The following EIF3A variants were observed in gnomAD, a reference collection of about 807,000 sequenced individuals.
The protein encoded by EIF3A is eukaryotic translation initiation factor 3 subunit A.
Under a neutral mutation model 186.6 loss-of-function variants are expected in EIF3A, and 21 were observed. The ratio of observed to expected loss-of-function variants is 0.11; its 90% CI spans 0.08 to 0.16. The LOEUF (loss-of-function observed/expected upper bound fraction) is 0.16. EIF3A is among the 10% of genes least tolerant of loss of function. EIF3A has a pLI of 1.00. For missense variants in EIF3A, 1,306 were observed against 1,796.3 expected (o/e 0.73, Z 4.93); for synonymous variants, 563 against 584.3 (o/e 0.96, Z 0.52).
At chr10:119,076,867 C>A (rs1235622965) in intron 1 of EIF3A, among the ~76,000 whole-genome samples, 1 of 143,478 alleles carries the variant, frequency 7.0e-6, no homozygotes, top group East Asian at 2.1e-4. Flanking sequence ...ACCCAGGAGG[C>A]GGAGGTTGCA....
Position 119,060,741 on chromosome 10 carries a change from T to C in EIF3A, c.1326+5A>G. The C allele has an allele frequency of 6.3e-7, 1 of 1,585,264 alleles. No individual in the cohort carries two copies. The highest frequency in any genetic ancestry group is 8.5e-7 in the Non-Finnish European group (1 of 1,170,306). ...ACAAAACTTTTTTTATTTTTTTATT[T>C]TTACCTGCTGCAGAAGGCGGAGGAT... is the stretch of plus-strand genomic sequence containing the variant. On this transcript the variant is annotated splice_donor_5th_base_variant and intron_variant, in intron 9 of 21. Transcript: ENST00000369144.
chr10:119,038,445 T>G lies in EIF3A; in HGVS notation c.3527-6A>C, dbSNP rs917107439. 5.0e-6 allele frequency: 8 copies of G among 1,592,364 alleles called. No homozygotes were observed. The highest frequency in any genetic ancestry group is 6.8e-6 in the Non-Finnish European group (8 of 1,173,274). The stretch of plus-strand genomic sequence containing the variant: ...TTCTTTCTCTCTCCATCCACCTGTT[T>G]TTTTGAAAAAGCAAAACATTTTTAA... On this transcript the variant is annotated splice_polypyrimidine_tract_variant and splice_region_variant and intron_variant, in intron 19 of 21. Transcript: ENST00000369144.
intron 7 of EIF3A, among the ~76,000 whole-genome samples, chr10:119,061,780 A>G (rs1182823372): frequency 6.6e-6 from 1 of 152,268 alleles, no homozygotes; most frequent in East Asian, 1.9e-4. Flanking sequence ...AAATGCTCAA[A>G]AAAGAACAGC....
In EIF3A at chr10:119,034,445, A is replaced by C. The variant is rs1848100217; in HGVS notation, c.*1594T>G. On this transcript the variant is annotated 3_prime_UTR_variant, in exon 22 of 22. Transcript: ENST00000369144. ...CCAGGAAGCAAACTCTTAGCAAGTTACTGCCCCACTTGTAATCACTGATCT... is the reference window on the plus strand; with the variant it reads ...CCAGGAAGCAAACTCTTAGCAAGTTCCTGCCCCACTTGTAATCACTGATCT... The C allele has an allele frequency of 6.6e-6, 1 of 152,446 alleles. No individual in the cohort carries two copies. The highest frequency in any genetic ancestry group is 1.5e-5 in the Non-Finnish European group (1 of 68,060). 9.4% of individuals were successfully genotyped at this position (152,446 alleles called of 1,614,324 possible).
rs866096491 is a variant in EIF3A at position 119,064,456 on chromosome 10, G to A, written c.1122+943C>T. On this transcript the variant is annotated intron_variant, in intron 7 of 21. Coordinates refer to ENST00000369144, the MANE Select transcript of EIF3A (RefSeq NM_003750.4). ...TTTCTAATGATTTAGCACCATCCCC[G>A]TAGGCCCATCCTCATGATAAGAGTT... Among the ~76,000 whole-genome samples the A allele has an allele frequency of 7.0e-4, 106 of 152,048 alleles. 1 individual carries two copies. Among genetic ancestry groups the A allele is most frequent in the African/African-American group, 2.5e-3 (104 of 41,404 alleles).
rs760397518 is a variant in EIF3A, at chr10:119,057,952, G to A, written c.1977+4C>T. 42 of 1,605,886 alleles carry A rather than the reference G, an allele frequency of 2.6e-5. No individual in the cohort carries two copies. In the East Asian group the frequency reaches 5.6e-4, roughly 21 times the overall value. ...AATTTTTTAATAACTAAGATGCTAC[G>A]TACTTCAATATCAATATCTTTGAAT... is the stretch of plus-strand genomic sequence containing the variant. On this transcript the variant is annotated splice_donor_region_variant and intron_variant, in intron 12 of 21. Transcript: ENST00000369144.
intron 11 of EIF3A, among the ~76,000 whole-genome samples, 185 bp from the exon 12 acceptor site, chr10:119,058,488 T>A (rs1843828375): frequency 6.6e-6 from 1 of 152,224 alleles, no homozygotes; most frequent in African/African-American, 2.4e-5. Context: ...TCCTATTCAG[T>A]CTTTTAATAG....
intron 6 of EIF3A, among the ~76,000 whole-genome samples, chr10:119,068,673 A>T (rs1844020466): frequency 6.6e-6 from 1 of 150,750 alleles, no homozygotes; most frequent in Non-Finnish European, 1.5e-5. Context: ...CTCAAGAAAA[A>T]ATAAAATAAA....
At chr10:119,065,765 G>C (rs894931971) in intron 6 of EIF3A, among the ~76,000 whole-genome samples, 195 bp from the exon 7 acceptor site, 1 of 152,186 alleles carries the variant, frequency 6.6e-6, no homozygotes. Flanking sequence ...ACGAATACTT[G>C]GAGAATCAGG....
At chr10:119,040,050 C>A (rs1350165369) in intron 19 of EIF3A, among the ~76,000 whole-genome samples, 1 of 152,192 alleles carries the variant, frequency 6.6e-6, no homozygotes, top group East Asian at 1.9e-4. Flanking sequence ...AAATGTCTTA[C>A]ACAAGGTAAC....
At chr10:119,066,082 C>T (rs1344139339) in intron 6 of EIF3A, among the ~76,000 whole-genome samples, 3 of 151,634 alleles carry the variant, frequency 2.0e-5, no homozygotes, top group Admixed American at 2.0e-4. Flanking sequence ...CGCCACTGCA[C>T]TCCAGCCTGG....
chr10:119,036,442 T>A (rs1848131336), intron 21 of EIF3A, among the ~76,000 whole-genome samples, 174 bp from the exon 22 acceptor site: 1 of 152,138 alleles, frequency 6.6e-6, no homozygotes, highest in Admixed American at 6.5e-5. Context: ...CTCATACAAT[T>A]TCTGACAATC....
chr10:119,037,384 A>T, intron 20 of EIF3A, 75 bp from the exon 21 acceptor site: 1 of 1,324,804 alleles, frequency 7.5e-7, no homozygotes, highest in Non-Finnish European at 1.1e-6. Context: ...ATCCAGTCCA[A>T]GCTGGGGCTT....
rs1342981925 is a variant in EIF3A at position 119,080,790 on chromosome 10, C to G, written c.-114G>C. Reference sequence around the variant, plus strand: ...CCCACGCGCCTCGCCAGCAGTCGCCCGCGCCCAGCCGGCCAGAGACGGAAA... The same window carrying G: ...CCCACGCGCCTCGCCAGCAGTCGCCGGCGCCCAGCCGGCCAGAGACGGAAA... On this transcript the variant is annotated 5_prime_UTR_variant, in exon 1 of 22. Coordinates refer to ENST00000369144, the MANE Select transcript of EIF3A (RefSeq NM_003750.4). The G allele has an allele frequency of 2.1e-6, 3 of 1,437,830 alleles. No homozygotes were observed. Among genetic ancestry groups the G allele is most frequent in the South Asian group, 1.4e-5 (1 of 71,418 alleles). 89.1% of individuals were successfully genotyped at this position (1,437,830 alleles called of 1,614,324 possible). A position where few individuals can be genotyped will look rare whatever the true frequency, so the allele number is the denominator to read the frequency against.
intron 1 of EIF3A, among the ~76,000 whole-genome samples, chr10:119,076,650 G>A (rs1019028222): frequency 9.9e-5 from 15 of 152,068 alleles, no homozygotes; most frequent in Admixed American, 1.3e-4. Context: ...TTTCTAAAAT[G>A]TAACAGTACA....
At position 119,051,098 on chromosome 10, in the gene EIF3A, T is replaced by C. The variant is rs1848349861; in HGVS notation, c.2319+101A>G. On this transcript the variant is annotated intron_variant, in intron 15 of 21. Coordinates refer to ENST00000369144, the MANE Select transcript of EIF3A (RefSeq NM_003750.4). Reference sequence around the variant, plus strand: ...CTATTATTTGAATGACCGTTACACATAGTAACTCAATAAAGAATATACCAA... The same window carrying C: ...CTATTATTTGAATGACCGTTACACACAGTAACTCAATAAAGAATATACCAA... 2.2e-5 allele frequency: 22 copies of C among 983,864 alleles called. 1 individual carries two copies. The South Asian group carries it at 3.3e-4, about 15-fold the overall frequency. The allele number at this position is 983,864 out of a possible 1,614,324, so 60.9% of individuals were successfully genotyped here.
chr10:119,037,004 C>G (rs964402269), intron 21 of EIF3A, 115 bp downstream of exon 21: 7 of 733,762 alleles, frequency 9.5e-6, no homozygotes, highest in African/African-American at 1.8e-5. Flanking sequence ...AATAGAATAT[C>G]AACTCTCTTA....
intron 17 of EIF3A, among the ~76,000 whole-genome samples, chr10:119,048,019 A>G (rs1848303954): frequency 6.6e-6 from 1 of 152,078 alleles, no homozygotes; most frequent in Non-Finnish European, 1.5e-5. Context: ...CACAGAATAA[A>G]GCAGAAAACT....
chr10:119,067,873 C>T (rs892376570), intron 6 of EIF3A, among the ~76,000 whole-genome samples: 1 of 151,862 alleles, frequency 6.6e-6, no homozygotes, highest in South Asian at 2.1e-4. Context: ...TGCAGTGGCA[C>T]AATCTCAGCT....
Sources: allele counts gnomAD v4.1 joint callset (sites outside exome capture counted in the v4.1 genomes callset), GRCh38; gene constraint gnomAD v4.1.1; transcripts MANE v1.5; gene names NCBI Gene and HGNC (gene_info 2026-07-23, HGNC 2026-07-21).